The following MFSD8 variants were observed in gnomAD, a reference collection of about 807,000 sequenced individuals.
MFSD8 encodes the protein major facilitator superfamily domain-containing protein 8.
A neutral mutation model predicts 66.4 loss-of-function variants in MFSD8; 55 were observed. The ratio of observed to expected loss-of-function variants is 0.83; its 90% CI spans 0.67 to 1.04. The LOEUF (loss-of-function observed/expected upper bound fraction) is 1.04, where lower values mean the gene tolerates loss of function less well. MFSD8 is among the 50% of genes least tolerant of loss of function. The pLI is 0.00. For synonymous variants in MFSD8, 202 were observed against 212.8 expected (o/e 0.95, Z 0.44); for missense variants, 550 against 627.6 (o/e 0.88, Z 1.32).
intron 3 of MFSD8, 44 bp downstream of exon 3, chr4:127,949,760 T>C: frequency 6.5e-7 from 1 of 1,532,076 alleles, no homozygotes; most frequent in Non-Finnish European, 9.0e-7. Flanking sequence ...TAAGAGTTAC[T>C]ACTACTGTAG....
At chr4:127,964,740 G>A (rs183668088) in intron 1 of MFSD8, 3 of 445,244 alleles carry the variant, frequency 6.7e-6, no homozygotes, top group East Asian at 4.8e-5. Context: ...GGGAGCCCAG[G>A]CAGAGGAGGC....
chr4:127,938,591 AAAAATAAATAAATAAAT>A lies in MFSD8; in HGVS notation c.754+175_754+191del, dbSNP rs1265981462. On this transcript the variant is annotated intron_variant, in intron 7 of 11. Coordinates refer to ENST00000641686, the MANE Select transcript of MFSD8 (RefSeq NM_001371596.2). ...GAGCGAAACTCTGTCTCAAAAAAAA[AAAAATAAATAAATAAAT>A]AAATAAATAAATAAATAAATAAATA... Among the ~76,000 whole-genome samples, 7 of 138,316 alleles carry A rather than the reference AAAAATAAATAAATAAAT, an allele frequency of 5.1e-5. No individual in the cohort carries two copies. In the South Asian group the frequency reaches 1.3e-3, roughly 25 times the overall value. 90.7% of individuals were successfully genotyped at this position (138,316 alleles called of 152,430 possible).
chr4:127,959,716 T>C (rs1578996544), intron 1 of MFSD8, among the ~76,000 whole-genome samples: 1 of 152,340 alleles, frequency 6.6e-6, no homozygotes, highest in Admixed American at 6.5e-5. Context: ...GTGTTCGTGA[T>C]TTTTTCATCT....
In MFSD8 at chr4:127,942,102, T is replaced by C. The variant is rs1187562999; in HGVS notation, c.496A>G (p.Thr166Ala). 2.5e-6 allele frequency: 4 copies of C among 1,614,010 alleles called. No individual in the cohort carries two copies. The African/African-American group carries it at 5.3e-5, about 22-fold the overall frequency. The change falls in exon 5 of 12, where the codon ACA (threonine) becomes GCA (alanine). Residue 166 changes from threonine (T) to alanine (A), a missense_variant. Thr to Ala is a moderately conservative substitution (Grantham distance 58). Coordinates refer to ENST00000641686, the MANE Select transcript of MFSD8 (RefSeq NM_001371596.2). ...TAGATSLQERTSSMANISMCQ... is the reference protein window; with the variant it reads ...TAGATSLQERASSMANISMCQ... ...ATGCTTATGTTTGCCATGGAACTTG[T>C]TCTTTCCTGAAGGGAAGTAGCACCA...
intron 1 of MFSD8, among the ~76,000 whole-genome samples, chr4:127,961,969 T>C (rs1743850316): frequency 6.6e-6 from 1 of 152,148 alleles, no homozygotes; most frequent in African/African-American, 2.4e-5. Flanking sequence ...ACAGTTACAT[T>C]AAGCATAGAT....
Position 127,920,779 on chromosome 4 carries a change from T to C in MFSD8, c.1408A>G (p.Met470Val), listed in dbSNP as rs764549054. The change falls in exon 12 of 12, where the codon ATG becomes GTG. Residue 470 changes from methionine to valine, a missense_variant. Coordinates refer to ENST00000641686, the MANE Select transcript of MFSD8 (RefSeq NM_001371596.2). ...SGSGARILGP[M>V]FISQVYAHWG... Reference sequence around the variant, plus strand: ...TGAGCATACACTTGGCTGATGAACATAGGCCCAAGAATCCGGGCTCCACTT... The same window carrying C: ...TGAGCATACACTTGGCTGATGAACACAGGCCCAAGAATCCGGGCTCCACTT... 22 of 1,613,968 alleles carry C rather than the reference T, an allele frequency of 1.4e-5. No homozygotes were observed. The South Asian group carries it at 1.8e-4, about 13-fold the overall frequency.
At chr4:127,928,140 C>A (rs1030441345) in intron 9 of MFSD8, among the ~76,000 whole-genome samples, 1 of 152,150 alleles carries the variant, frequency 6.6e-6, no homozygotes, top group African/African-American at 2.4e-5. Context: ...CAACCTCCAC[C>A]TCCCAGGTTG....
At position 127,920,805 on chromosome 4, in the gene MFSD8, C is replaced by A; in HGVS notation, c.1382G>T (p.Gly461Val). 6.2e-7 allele frequency: 1 copy of A among 1,614,016 alleles called. No homozygotes were observed. The highest frequency in any genetic ancestry group is 8.5e-7 in the Non-Finnish European group (1 of 1,180,004). Reference protein sequence around the residue: ...GVYMGWLTASGSGARILGPMF... With the variant: ...GVYMGWLTASVSGARILGPMF... ...AGGCCCAAGAATCCGGGCTCCACTTCCAGATGCTGTTAACCAGCCCATGTA... is the reference window on the plus strand; with the variant it reads ...AGGCCCAAGAATCCGGGCTCCACTTACAGATGCTGTTAACCAGCCCATGTA... The change falls in exon 12 of 12, where the codon GGA (glycine) becomes GTA (valine). Residue 461 changes from glycine to valine, a missense_variant. By Grantham distance (109) the Gly-to-Val change is moderately radical. Transcript: ENST00000641686.
chr4:127,943,775 C>T lies in MFSD8; in HGVS notation c.416G>A (p.Arg139His), dbSNP rs749704755. The T allele has an allele frequency of 1.4e-5, 22 of 1,613,976 alleles. No individual in the cohort carries two copies. The highest frequency in any genetic ancestry group is 3.3e-5 in the South Asian group (3 of 91,070). ...ACCTGCTCCAATTCCCAACAATCCA[C>T]GAGCAACCAGCATGTAGTATTTATT... ...SHNKYYMLVA[R>H]GLLGIGAGNV... The change falls in exon 4 of 12, where the codon CGT becomes CAT. Residue 139 changes from arginine (R) to histidine (H), a missense_variant. Arg to His is a conservative substitution (Grantham distance 29). Coordinates refer to ENST00000641686, the MANE Select transcript of MFSD8 (RefSeq NM_001371596.2).
intron 2 of MFSD8, among the ~76,000 whole-genome samples, chr4:127,950,822 C>G (rs982233896): frequency 6.6e-6 from 1 of 152,030 alleles, no homozygotes; most frequent in African/African-American, 2.4e-5. Context: ...CTCTGGAAGG[C>G]CGAGGTGGGT....
At chr4:127,935,560 T>A (rs1364999847) in intron 7 of MFSD8, among the ~76,000 whole-genome samples, 3 of 152,226 alleles carry the variant, frequency 2.0e-5, no homozygotes, top group African/African-American at 7.2e-5. Flanking sequence ...TTACCAGACA[T>A]ATTTTATGCA....
At position 127,964,847 on chromosome 4, in the gene MFSD8, C is replaced by G. The variant is rs761876759; in HGVS notation, c.62+225G>C. Reference sequence around the variant, plus strand: ...AAAGCAGCAGCCTGGGTTTCTCCAGCCCCGTCACTCGAACCCACGGGCTCA... The same window carrying G: ...AAAGCAGCAGCCTGGGTTTCTCCAGGCCCGTCACTCGAACCCACGGGCTCA... On this transcript the variant is annotated intron_variant, in intron 1 of 11. Coordinates refer to ENST00000641686, the MANE Select transcript of MFSD8 (RefSeq NM_001371596.2). 8.1e-6 allele frequency: 5 copies of G among 618,940 alleles called. 1 individual carries two copies. In the South Asian group the frequency reaches 9.5e-5, roughly 12 times the overall value. 38.3% of individuals were successfully genotyped at this position (618,940 alleles called of 1,614,324 possible). A position where few individuals can be genotyped will look rare whatever the true frequency, so the allele number is the denominator to read the frequency against.
chr4:127,937,161 C>T (rs1017179205), intron 7 of MFSD8, among the ~76,000 whole-genome samples: 1 of 152,152 alleles, frequency 6.6e-6, no homozygotes, highest in Non-Finnish European at 1.5e-5. Flanking sequence ...CTTTCTGCTG[C>T]CATAGTGTGT....
chr4:127,956,717 C>G (rs547275671), intron 2 of MFSD8, among the ~76,000 whole-genome samples: 3 of 149,212 alleles, frequency 2.0e-5, no homozygotes, highest in African/African-American at 7.4e-5. Flanking sequence ...ACTTGGCAGG[C>G]TGGGGCAGGC....
At chr4:127,921,341 A>C (rs1322808279) in intron 11 of MFSD8, 183 bp downstream of exon 11, 2 of 1,001,596 alleles carry the variant, frequency 2.0e-6, no homozygotes, top group Non-Finnish European at 2.9e-6. Flanking sequence ...CCAAAACTAT[A>C]ACCCACATAA....
In MFSD8 at chr4:127,940,528, ATATATATATATGTG is replaced by A. The variant is rs571875230; in HGVS notation, c.554-545_554-532del. On this transcript the variant is annotated intron_variant, in intron 5 of 11. Coordinates refer to ENST00000641686, the MANE Select transcript of MFSD8 (RefSeq NM_001371596.2). ...TATTCTGTATATGGTATATATATATATATATATATATGTGTGTGTGTGTATATATTTATTATCAT... is the reference window on the plus strand; with the variant it reads ...TATTCTGTATATGGTATATATATATATGTGTGTGTATATATTTATTATCAT... Among the ~76,000 whole-genome samples the A allele has an allele frequency of 4.5e-3, 662 of 146,622 alleles. 10 individuals carry two copies. The highest frequency in any genetic ancestry group is 0.016 in the African/African-American group (632 of 39,836).
chr4:127,950,333 T>C (rs934753699), intron 2 of MFSD8, among the ~76,000 whole-genome samples: 19 of 152,328 alleles, frequency 1.2e-4, no homozygotes, highest in Middle Eastern at 3.4e-3. Context: ...ATTCACTATT[T>C]CTGCTAGCCT....
At position 127,939,749 on chromosome 4, in the gene MFSD8, A is replaced by G. The variant is rs537245335; in HGVS notation, c.698+104T>C. The G allele has an allele frequency of 7.6e-6, 10 of 1,321,826 alleles. No individual in the cohort carries two copies. The African/African-American group carries it at 1.5e-4, about 19-fold the overall frequency. 81.9% of individuals were successfully genotyped at this position (1,321,826 alleles called of 1,614,324 possible). On this transcript the variant is annotated intron_variant, in intron 6 of 11. Transcript: ENST00000641686. ...AAAAATATAAACAAACTATAGACAT[A>G]AAAAACTACGTACACTTCATAAGGA... is the stretch of plus-strand genomic sequence containing the variant.
At chr4:127,962,435 T>C (rs1046876612) in intron 1 of MFSD8, among the ~76,000 whole-genome samples, 4 of 152,230 alleles carry the variant, frequency 2.6e-5, no homozygotes, top group African/African-American at 9.6e-5. Context: ...ACCACTGCAC[T>C]CCAGACTAGC....
Sources: gnomAD v4.1 joint callset for allele counts (sites outside exome capture counted in the v4.1 genomes callset) on GRCh38, gnomAD v4.1.1 for gene constraint, MANE v1.5 for transcripts, NCBI Gene and HGNC (gene_info 2026-07-23, HGNC 2026-07-21) for gene names.